Variants in DDX27 observed in about 807,000 individuals in gnomAD.
DDX27 encodes the protein probable ATP-dependent RNA helicase DDX27.
A neutral mutation model predicts 99.3 loss-of-function variants in DDX27; 42 were observed. The observed-to-expected ratio is 0.42, with a 90% CI of 0.33 to 0.55. DDX27 has a LOEUF of 0.55. Among genes scored for constraint, DDX27 ranks in the 20% least tolerant of loss-of-function variants. The probability of loss-of-function intolerance (pLI) is 0.07; values close to 1 mark genes in which losing one functional copy is unlikely to be tolerated. For synonymous variants in DDX27, 329 were observed against 353.8 expected (o/e 0.93, Z 0.79); for missense variants, 798 against 976.8 (o/e 0.82, Z 2.44).
chr20:49,242,217 G>C lies in DDX27; in HGVS notation c.2116+11G>C, dbSNP rs767626227. 3.7e-6 allele frequency: 6 copies of C among 1,613,710 alleles called. No individual in the cohort carries two copies. The highest frequency in any genetic ancestry group is 4.2e-6 in the Non-Finnish European group (5 of 1,179,906). On this transcript the variant is annotated intron_variant, in intron 18 of 20. Transcript: ENST00000618172. Reference sequence around the variant, plus strand: ...CAGTGAGAGGTCCTGGTAGGTGAATGGGGAGCCCAAAGGAGCTTGTACAAG... The same window carrying C: ...CAGTGAGAGGTCCTGGTAGGTGAATCGGGAGCCCAAAGGAGCTTGTACAAG...
chr20:49,242,158 G>A lies in DDX27; in HGVS notation c.2068G>A (p.Ala690Thr), dbSNP rs143843778. The change falls in exon 18 of 21, where the codon GCC (alanine) becomes ACC (threonine). Residue 690 changes from alanine (A) to threonine (T), a missense_variant. Physicochemically the swap from Ala to Thr is moderately conservative, Grantham distance 58. Transcript: ENST00000618172. ...ACGGCTAGCGAAGAGGAATCGCAGA[G>A]CCAAGCGGGCCCGAGCAATGCCCGA... ...AERLAKRNRRAKRARAMPEEE... is the reference protein window; with the variant it reads ...AERLAKRNRRTKRARAMPEEE... 1,107 of 1,614,184 alleles carry A rather than the reference G, an allele frequency of 6.9e-4. 5 individuals carry two copies. The African/African-American group carries it at 0.013, about 18-fold the overall frequency.
chr20:49,242,032 G>T (rs987981559), intron 17 of DDX27, 45 bp downstream of exon 17: 2 of 1,613,812 alleles, frequency 1.2e-6, no homozygotes, highest in African/African-American at 2.7e-5. Flanking sequence ...CGGTGGGGTG[G>T]GTCAGAGTGG....
At chr20:49,228,463 G>A (rs1979977427) in intron 7 of DDX27, among the ~76,000 whole-genome samples, 1 of 151,832 alleles carries the variant, frequency 6.6e-6, no homozygotes, top group South Asian at 2.1e-4. Flanking sequence ...AGTAGAATTG[G>A]GGCTTCACTA....
intron 7 of DDX27, among the ~76,000 whole-genome samples, chr20:49,226,932 G>A (rs1385223141): frequency 1.2e-4 from 16 of 138,264 alleles, no homozygotes; most frequent in Admixed American, 8.4e-4. Context: ...GCGGGATCTC[G>A]GCTCACTGCA....
intron 2 of DDX27, among the ~76,000 whole-genome samples, chr20:49,222,372 C>T (rs930067881): frequency 6.6e-6 from 1 of 151,824 alleles, no homozygotes; most frequent in African/African-American, 2.4e-5. Context: ...TGCAATGGTA[C>T]CATCTTGACT....
At chr20:49,228,448 T>G (rs1979977015) in intron 7 of DDX27, among the ~76,000 whole-genome samples, 1 of 151,894 alleles carries the variant, frequency 6.6e-6, no homozygotes. Context: ...GTTTTTTGTA[T>G]TTTTAGTAGA....
intron 7 of DDX27, among the ~76,000 whole-genome samples, chr20:49,227,285 CTG>C (rs1234908140): frequency 5.3e-5 from 8 of 152,226 alleles, no homozygotes; most frequent in Admixed American, 2.0e-4. Flanking sequence ...TCCCACATAA[CTG>C]TAGGACAAAA....
Position 49,241,891 on chromosome 20 carries a change from A to C in DDX27, c.1898-2A>C. On this transcript the variant is annotated splice_acceptor_variant, in intron 16 of 20. Coordinates refer to ENST00000618172, the MANE Select transcript of DDX27 (RefSeq NM_017895.8). LOFTEE classifies it high-confidence loss of function. ...AAATCTTATGCTTTCTTCTCATCCC[A>C]GTTGCCAAAGCTCTGCAGGAATTTG... 6.2e-7 allele frequency: 1 copy of C among 1,614,098 alleles called. No individual in the cohort carries two copies. The highest frequency in any genetic ancestry group is 8.5e-7 in the Non-Finnish European group (1 of 1,179,908).
Position 49,239,018 on chromosome 20 carries a change from A to T in DDX27, c.1757A>T (p.Glu586Val). ...EKDVYAVLQLEAEEKEMQQSE... is the reference protein window; with the variant it reads ...EKDVYAVLQLVAEEKEMQQSE... Reference sequence around the variant, plus strand: ...GATGTGTATGCAGTTCTGCAGCTAGAGGCGGAGGAAAAAGAGATGCAGCAG... The same window carrying T: ...GATGTGTATGCAGTTCTGCAGCTAGTGGCGGAGGAAAAAGAGATGCAGCAG... Residue 586 changes from glutamate (E) to valine (V), a missense_variant, in exon 15 of 21, where the codon GAG becomes GTG. Physicochemically the swap from Glu to Val is moderately radical, Grantham distance 121 (BLOSUM62 -2). Transcript: ENST00000618172. 6.2e-7 allele frequency: 1 copy of T among 1,614,136 alleles called. No homozygotes were observed. Among genetic ancestry groups the T allele is most frequent in the Non-Finnish European group, 8.5e-7 (1 of 1,180,016 alleles).
chr20:49,243,900 G>A lies in DDX27; in HGVS notation c.*66G>A. 1 of 1,584,912 alleles carries A rather than the reference G, an allele frequency of 6.3e-7. No homozygotes were observed. Among genetic ancestry groups the A allele is most frequent in the South Asian group, 1.1e-5 (1 of 88,766 alleles). On this transcript the variant is annotated 3_prime_UTR_variant, in exon 21 of 21. Coordinates refer to ENST00000618172, the MANE Select transcript of DDX27 (RefSeq NM_017895.8). ...TCCCTTCCCTGTGGGAAGTCATCCT[G>A]GCTGGTCTGTCTTTTCTCCATTTGT...
intron 6 of DDX27, 78 bp downstream of exon 6, chr20:49,225,277 G>A: frequency 8.2e-7 from 1 of 1,220,058 alleles, no homozygotes; most frequent in Non-Finnish European, 1.2e-6. Context: ...CAAATTCCTG[G>A]CATCAAGCAA....
chr20:49,221,715 C>T (rs1208814772), intron 2 of DDX27, 117 bp downstream of exon 2: 2 of 817,660 alleles, frequency 2.4e-6, no homozygotes, highest in African/African-American at 3.6e-5. Flanking sequence ...GATACTACAA[C>T]TCCTTTGAAA....
At chr20:49,224,642 C>T (rs749115954) in intron 4 of DDX27, 8 of 285,588 alleles carry the variant, frequency 2.8e-5, no homozygotes, top group Non-Finnish European at 5.3e-5. Context: ...GGATTTTAGG[C>T]GGGAGCCACT....
intron 7 of DDX27, 92 bp from the exon 8 acceptor site, chr20:49,228,623 A>G (rs1979984346): frequency 8.1e-7 from 1 of 1,229,322 alleles, no homozygotes; most frequent in Non-Finnish European, 1.1e-6. Flanking sequence ...ATTTTCCCCA[A>G]CCAGACGTAG....
chr20:49,220,555 C>T (rs910628708), intron 1 of DDX27, among the ~76,000 whole-genome samples: 2 of 151,638 alleles, frequency 1.3e-5, no homozygotes, highest in African/African-American at 4.9e-5. Context: ...CTTGCAAAGA[C>T]TCCTCAGGCA....
intron 19 of DDX27, 51 bp downstream of exon 19, chr20:49,242,732 T>C (rs771354965): frequency 2.8e-5 from 8 of 289,246 alleles, no homozygotes; most frequent in Non-Finnish European, 4.4e-5. Flanking sequence ...TTTTTTTTTT[T>C]TTTTTTTTGA....
At chr20:49,237,771 G>A (rs936914636) in intron 14 of DDX27, among the ~76,000 whole-genome samples, 1 of 152,186 alleles carries the variant, frequency 6.6e-6, no homozygotes, top group Non-Finnish European at 1.5e-5. Flanking sequence ...GTGCTGAGCT[G>A]AGAGAACAAG....
rs890519852 is a variant in DDX27, at chr20:49,241,933, AAAG to A, written c.1944_1946del (p.Lys649del). The A allele has an allele frequency of 5.6e-6, 9 of 1,614,036 alleles. No individual in the cohort carries two copies. The African/African-American group carries it at 9.3e-5, about 17-fold the overall frequency. On this transcript the variant is annotated inframe_deletion, in exon 17 of 21. Transcript: ENST00000618172. ...AGGAATTTGACTTGGCCTTAAGAGGAAAGAAGAAAAGGAAGAAGTTTATGAAGG... is the reference window on the plus strand; with the variant it reads ...AGGAATTTGACTTGGCCTTAAGAGGAAAGAAAAGGAAGAAGTTTATGAAGG...
intron 9 of DDX27, among the ~76,000 whole-genome samples, chr20:49,231,831 GA>G (rs1980123040): frequency 6.6e-6 from 1 of 151,862 alleles, no homozygotes; most frequent in African/African-American, 2.4e-5. Context: ...TCCAGTTACT[GA>G]GAAATAATTA....
Sources: allele counts gnomAD v4.1 joint callset (sites outside exome capture counted in the v4.1 genomes callset), GRCh38; gene constraint gnomAD v4.1.1; transcripts MANE v1.5; gene names NCBI Gene and HGNC (gene_info 2026-07-23, HGNC 2026-07-21).